Variants in KPNA5 observed in about 807,000 individuals in gnomAD.
The protein encoded by KPNA5 is importin subunit alpha-6.
KPNA5 carries 46 observed loss-of-function variants against 71.3 expected under a neutral mutation model. The observed-to-expected ratio is 0.65, with a 90% CI of 0.51 to 0.83. KPNA5 has a LOEUF of 0.83. KPNA5 is among the 40% of genes least tolerant of loss of function. The pLI is 0.00. For synonymous variants in KPNA5, 207 were observed against 201.4 expected, an observed-to-expected ratio of 1.03 and a Z score of -0.24; for missense variants, 547 against 628.3, an observed-to-expected ratio of 0.87 and a Z score of 1.38.
At chr6:116,710,961 C>T (rs1427198797) in intron 7 of KPNA5, among the ~76,000 whole-genome samples, 1 of 136,276 alleles carries the variant, frequency 7.3e-6, no homozygotes, top group Non-Finnish European at 1.5e-5. Context: ...ATGGCATGAT[C>T]TCGACTCACG....
intron 1 of KPNA5, among the ~76,000 whole-genome samples, chr6:116,685,490 A>G (rs1167004620): frequency 6.6e-6 from 1 of 152,058 alleles, no homozygotes; most frequent in Admixed American, 6.5e-5. Flanking sequence ...CTTTGTGTCC[A>G]TGTGTTCTCC....
At chr6:116,729,220 T>TA (rs371973712) in intron 12 of KPNA5, among the ~76,000 whole-genome samples, 6,118 of 118,622 alleles carry the variant, frequency 0.052, 708 homozygotes, top group African/African-American at 0.17. Flanking sequence ...GGCTTGCCTT[T>TA]AAAAAAAAAA....
chr6:116,729,777 G>T (rs1254886695), intron 13 of KPNA5, 36 bp downstream of exon 13: 2 of 1,278,256 alleles, frequency 1.6e-6, no homozygotes, highest in South Asian at 2.4e-5. Context: ...ATTATAGTCA[G>T]TTCTTATATC....
chr6:116,710,657 G>A (rs1293556556), intron 7 of KPNA5, among the ~76,000 whole-genome samples: 1 of 151,430 alleles, frequency 6.6e-6, no homozygotes, highest in Non-Finnish European at 1.5e-5. Flanking sequence ...TTTCCTTTTT[G>A]GGAAGTGTTT....
At chr6:116,682,656 T>C (rs1261602861) in intron 1 of KPNA5, among the ~76,000 whole-genome samples, 1 of 152,158 alleles carries the variant, frequency 6.6e-6, no homozygotes, top group Non-Finnish European at 1.5e-5. Flanking sequence ...TTAAAGAAAA[T>C]CATAAGTTCA....
chr6:116,706,683 C>T (rs1778452822), intron 7 of KPNA5, among the ~76,000 whole-genome samples: 1 of 151,538 alleles, frequency 6.6e-6, no homozygotes, highest in Admixed American at 6.6e-5. Flanking sequence ...GAGCGAAACT[C>T]CATTTCAGAT....
chr6:116,703,898 A>T (rs1323662427), intron 6 of KPNA5, among the ~76,000 whole-genome samples: 1 of 152,258 alleles, frequency 6.6e-6, no homozygotes, highest in Non-Finnish European at 1.5e-5. Flanking sequence ...TAATAAATGA[A>T]TATGTGTTCT....
intron 1 of KPNA5, among the ~76,000 whole-genome samples, chr6:116,682,757 A>G (rs1777412167): frequency 1.3e-5 from 2 of 152,348 alleles, no homozygotes; most frequent in South Asian, 4.1e-4. Flanking sequence ...CTGTAACTTT[A>G]AAGTGCTGGA....
At chr6:116,728,601 C>T (rs1471641420) in intron 12 of KPNA5, among the ~76,000 whole-genome samples, 1 of 152,166 alleles carries the variant, frequency 6.6e-6, no homozygotes, top group East Asian at 1.9e-4. Context: ...TGACCAATTA[C>T]AGTACAGTAT....
rs1037740679 is a variant in KPNA5, at chr6:116,719,651, A to G, written c.757-2475A>G. Reference sequence around the variant, plus strand: ...GGTTTGAGCCCAGGGGTTCGAGGCCAGCCTGGGCAACATTGTAAGAGCCTG... The same window carrying G: ...GGTTTGAGCCCAGGGGTTCGAGGCCGGCCTGGGCAACATTGTAAGAGCCTG... On this transcript the variant is annotated intron_variant, in intron 8 of 13. Coordinates refer to ENST00000368564, the MANE Select transcript of KPNA5 (RefSeq NM_001366306.2). Among the ~76,000 whole-genome samples, 7 of 152,232 alleles carry G rather than the reference A, an allele frequency of 4.6e-5. No individual in the cohort carries two copies. In the East Asian group the frequency reaches 1.4e-3, roughly 29 times the overall value.
At chr6:116,730,125 C>G (rs926772107) in intron 13 of KPNA5, among the ~76,000 whole-genome samples, 3 of 135,974 alleles carry the variant, frequency 2.2e-5, no homozygotes, top group African/African-American at 8.3e-5. Flanking sequence ...TTTACTCCGT[C>G]TCCCAGGCTG....
chr6:116,736,525 T>TA lies in KPNA5; in HGVS notation c.*4203dup, dbSNP rs1491193487. On this transcript the variant is annotated 3_prime_UTR_variant, in exon 14 of 14. Coordinates refer to ENST00000368564, the MANE Select transcript of KPNA5 (RefSeq NM_001366306.2). ...CTCAGTAGGGAGTGCAGGGCTACAGTATGTTTTTTAAATCACGTGAGAGTA... is the reference window on the plus strand; with the variant it reads ...CTCAGTAGGGAGTGCAGGGCTACAGTAATGTTTTTTAAATCACGTGAGAGTA... The TA allele has an allele frequency of 6.6e-6, 1 of 152,000 alleles. No individual in the cohort carries two copies. The highest frequency in any genetic ancestry group is 1.5e-5 in the Non-Finnish European group (1 of 67,912). 9.4% of individuals were successfully genotyped at this position (152,000 alleles called of 1,614,324 possible). A position where few individuals can be genotyped will look rare whatever the true frequency, so the allele number is the denominator to read the frequency against.
At position 116,732,194 on chromosome 6, in the gene KPNA5, A is replaced by G; in HGVS notation, c.1491A>G (p.Ala497=). 6.3e-7 allele frequency: 1 copy of G among 1,575,758 alleles called. No individual in the cohort carries two copies. The highest frequency in any genetic ancestry group is 8.6e-7 in the Non-Finnish European group (1 of 1,162,464). The change falls in exon 14 of 14, where the codon GCA becomes GCG. Residue 497 remains alanine (A), a synonymous_variant. Coordinates refer to ENST00000368564, the MANE Select transcript of KPNA5 (RefSeq NM_001366306.2). ...SHENQEIYQK[A]FDLIEHYFGV... is the part of the protein sequence containing the mutation. ...AAAATCAGGAAATTTACCAGAAGGC[A>G]TTTGATCTGATTGAACATTACTTTG...
chr6:116,684,188 C>T (rs1345840117), intron 1 of KPNA5, among the ~76,000 whole-genome samples: 1 of 152,078 alleles, frequency 6.6e-6, no homozygotes, highest in Admixed American at 6.5e-5. Context: ...GCTAGGTTTA[C>T]AGGTGTGAGC....
At chr6:116,710,891 ATATT>A (rs1208021950) in intron 7 of KPNA5, among the ~76,000 whole-genome samples, 22 of 70,076 alleles carry the variant, frequency 3.1e-4, no homozygotes, top group Admixed American at 9.4e-4. Flanking sequence ...ATATATATAT[ATATT>A]TTTTTTTTTT....
At chr6:116,705,579 T>C (rs1186635991) in intron 7 of KPNA5, among the ~76,000 whole-genome samples, 1 of 152,212 alleles carries the variant, frequency 6.6e-6, no homozygotes, top group Non-Finnish European at 1.5e-5. Flanking sequence ...ATTAGAGTTT[T>C]ACTTCAAGTG....
In KPNA5 at chr6:116,707,158, T is replaced by G. The variant is rs568718210; in HGVS notation, c.656+1998T>G. 3.3e-5 allele frequency among the ~76,000 whole-genome samples: 5 copies of G among 151,672 alleles called. No individual in the cohort carries two copies. The South Asian group carries it at 1.0e-3, about 32-fold the overall frequency. On this transcript the variant is annotated intron_variant, in intron 7 of 13. Coordinates refer to ENST00000368564, the MANE Select transcript of KPNA5 (RefSeq NM_001366306.2). ...CAACTTGGGTGACAGAGCGAGAGAC[T>G]GTCTCAAAAAAAAAAAATGATTATG...
chr6:116,697,194 T>C (rs1049281875), intron 4 of KPNA5, among the ~76,000 whole-genome samples: 1 of 152,106 alleles, frequency 6.6e-6, no homozygotes, highest in Non-Finnish European at 1.5e-5. Flanking sequence ...CCCTATAATT[T>C]TGTTTTGATT....
Position 116,685,739 on chromosome 6 carries a change from A to C in KPNA5, c.5-3581A>C, listed in dbSNP as rs567073637. 6.6e-5 allele frequency among the ~76,000 whole-genome samples: 10 copies of C among 152,182 alleles called. No individual in the cohort carries two copies. In the East Asian group the frequency reaches 1.9e-3, roughly 29 times the overall value. On this transcript the variant is annotated intron_variant, in intron 1 of 13. Transcript: ENST00000368564. ...TCTTTCCTATTGTAAAAACTGCTGC[A>C]CTGAACATTTGTGTGCACATGTTTT...
Sources: allele counts gnomAD v4.1 joint callset (sites outside exome capture counted in the v4.1 genomes callset), GRCh38; gene constraint gnomAD v4.1.1; transcripts MANE v1.5; gene names NCBI Gene and HGNC (gene_info 2026-07-23, HGNC 2026-07-21).